The following QTGAL variants were observed in gnomAD, a reference collection of about 807,000 sequenced individuals.
QTGAL encodes queuosine-tRNA galactosyltransferase.
chr17:83,006,988 T>C, the QTGAL span: 1 of 404,376 alleles, frequency 2.5e-6, no homozygotes, highest in Non-Finnish European at 3.3e-6. This position sits in a 1 kb window ranked among gnomAD's most constrained non-coding sequence, Gnocchi z 5.8. Flanking sequence ...TCGCCAGCAC[T>C]GGGTGTCTCG....
the QTGAL span, among the ~76,000 whole-genome samples, chr17:82,984,721 C>T: frequency 6.6e-6 from 1 of 152,270 alleles, no homozygotes; most frequent in South Asian, 2.1e-4. Flanking sequence ...TTAAGCTGCC[C>T]TGTCTGTAGT....
the QTGAL span, among the ~76,000 whole-genome samples, chr17:82,951,212 G>T: frequency 6.6e-6 from 1 of 152,212 alleles, no homozygotes; most frequent in East Asian, 1.9e-4. Context: ...TCTTCTTCCA[G>T]TTCAAGGTTG....
the QTGAL span, among the ~76,000 whole-genome samples, chr17:82,959,693 GA>G: frequency 1.2e-5 from 1 of 82,366 alleles, no homozygotes; most frequent in Admixed American, 1.4e-4. Context: ...GGCTCCAGAA[GA>G]AAGCGGGGGG....
the QTGAL span, among the ~76,000 whole-genome samples, chr17:83,034,337 T>G: frequency 1.3e-5 from 2 of 152,274 alleles, no homozygotes; most frequent in African/African-American, 4.8e-5. Context: ...ATCTTCATTT[T>G]GCTCACATCG....
the QTGAL span, among the ~76,000 whole-genome samples, chr17:82,971,001 C>A: frequency 5.9e-5 from 9 of 152,132 alleles, no homozygotes; most frequent in African/African-American, 2.2e-4. Flanking sequence ...GGGTCCGTTC[C>A]ACAGGTCGGC....
At chr17:83,027,108 G>A in the QTGAL span, among the ~76,000 whole-genome samples, 3 of 148,538 alleles carry the variant, frequency 2.0e-5, no homozygotes, top group Admixed American at 2.0e-4. Flanking sequence ...ACAGAGCAGG[G>A]CGGGGAGCCT....
At chr17:83,039,970 C>A in the QTGAL span, among the ~76,000 whole-genome samples, 1 of 152,160 alleles carries the variant, frequency 6.6e-6, no homozygotes, top group African/African-American at 2.4e-5. Context: ...TGGGGACATT[C>A]CAGAGGGACC....
At chr17:82,977,759 C>T in the QTGAL span, among the ~76,000 whole-genome samples, 1 of 152,236 alleles carries the variant, frequency 6.6e-6, no homozygotes, top group East Asian at 1.9e-4. Flanking sequence ...GAGGAGAAGC[C>T]GGCTGATTCC....
chr17:83,048,419 G>C, the QTGAL span: 1 of 1,474,774 alleles, frequency 6.8e-7, no homozygotes, highest in Non-Finnish European at 9.5e-7. Flanking sequence ...CGGTACGTAA[G>C]TTGATAAGAA....
chr17:82,997,928 A>T, the QTGAL span, among the ~76,000 whole-genome samples: 545 of 78,296 alleles, frequency 7.0e-3, 4 homozygotes, highest in Middle Eastern at 8.3e-3. Context: ...TTTAAAAAAA[A>T]AAATATATAT....
At chr17:83,051,063 G>C in the QTGAL span, among the ~76,000 whole-genome samples, 1 of 151,056 alleles carries the variant, frequency 6.6e-6, no homozygotes, top group African/African-American at 2.4e-5. Context: ...GTGCAGACCA[G>C]GTGTGTGGGG....
chr17:82,945,383 T>C, the QTGAL span: 1 of 152,214 alleles, frequency 6.6e-6, no homozygotes, highest in African/African-American at 2.4e-5. Context: ...TACAGAAGCC[T>C]AACAGTCTCA....
the QTGAL span, chr17:82,942,390 G>T: frequency 6.2e-7 from 1 of 1,612,294 alleles, no homozygotes; most frequent in Non-Finnish European, 8.5e-7. Context: ...AGGGTCCCCT[G>T]GCTGGGAATG....
the QTGAL span, among the ~76,000 whole-genome samples, chr17:82,973,769 C>T: frequency 7.0e-4 from 106 of 152,340 alleles, no homozygotes; most frequent in African/African-American, 2.4e-3. Flanking sequence ...TTGAATCTTA[C>T]GAACAGTCGG....
the QTGAL span, among the ~76,000 whole-genome samples, chr17:83,016,929 GA>G: frequency 7.2e-5 from 11 of 152,308 alleles, no homozygotes; most frequent in East Asian, 1.9e-3. Flanking sequence ...CAAACCTTCC[GA>G]CCCCTGGTCT....
the QTGAL span, among the ~76,000 whole-genome samples, chr17:82,977,384 G>A: frequency 4.7e-4 from 71 of 152,290 alleles, no homozygotes; most frequent in Middle Eastern, 3.4e-3. Flanking sequence ...GACTGAGGTC[G>A]GGTCTGGGGT....
the QTGAL span, among the ~76,000 whole-genome samples, chr17:82,955,709 T>A: frequency 2.0e-5 from 3 of 152,200 alleles, no homozygotes; most frequent in Admixed American, 2.0e-4. Flanking sequence ...ATATGTTTAC[T>A]GCAGCACCAT....
the QTGAL span, among the ~76,000 whole-genome samples, chr17:82,998,833 A>G: frequency 6.6e-6 from 1 of 152,218 alleles, no homozygotes; most frequent in South Asian, 2.1e-4. Flanking sequence ...GTGAACAGAC[A>G]CTTTACCAAA....
the QTGAL span, among the ~76,000 whole-genome samples, chr17:83,021,349 C>A: frequency 5.3e-5 from 8 of 150,424 alleles, no homozygotes; most frequent in African/African-American, 2.0e-4. Context: ...AAAAAAAAAA[C>A]TCTACTAGAA....
Sources: allele counts gnomAD v4.1 joint callset (sites outside exome capture counted in the v4.1 genomes callset), GRCh38; gene constraint gnomAD v4.1.1; non-coding constraint Gnocchi (gnomAD v3.1); transcripts MANE v1.5; gene names NCBI Gene and HGNC (gene_info 2026-07-23, HGNC 2026-07-21).